The following MECOM variants were observed in gnomAD, a reference collection of about 807,000 sequenced individuals.
MECOM encodes the protein MDS1 and EVI1 complex locus, also known as histone-lysine N-methyltransferase MECOM.
A neutral mutation model predicts 116.3 loss-of-function variants in MECOM; 13 were observed. The ratio of observed to expected loss-of-function variants is 0.11; its 90% confidence interval spans 0.07 to 0.18. MECOM has a LOEUF of 0.18. MECOM is among the 10% of genes least tolerant of loss of function. The probability of loss-of-function intolerance (pLI) is 1.00; values close to 1 mark genes in which losing one functional copy is unlikely to be tolerated. For missense variants in MECOM, 1,299 were observed against 1,509.0 expected (o/e 0.86, Z 2.31); for synonymous variants, 528 against 535.2 (o/e 0.99, Z 0.19).
At chr3:169,154,021 A>G (rs1741568054) in intron 2 of MECOM, among the ~76,000 whole-genome samples, 1 of 152,032 alleles carries the variant, frequency 6.6e-6, no homozygotes, top group African/African-American at 2.4e-5. Flanking sequence ...CCTAATCCTT[A>G]CCCTGACCTT....
intron 1 of MECOM, among the ~76,000 whole-genome samples, chr3:169,644,977 G>A (rs1381781413): frequency 6.6e-6 from 1 of 152,076 alleles, no homozygotes. Flanking sequence ...TTCGGCATAA[G>A]TACACACAAA....
intron 1 of MECOM, among the ~76,000 whole-genome samples, chr3:169,644,108 T>G (rs1252469807): frequency 6.6e-6 from 1 of 152,214 alleles, no homozygotes; most frequent in African/African-American, 2.4e-5. Context: ...AAACTCCTCT[T>G]GCACCATAAC....
At chr3:169,206,292 C>T (rs573478051) in intron 2 of MECOM, among the ~76,000 whole-genome samples, 109 of 152,218 alleles carry the variant, frequency 7.2e-4, no homozygotes, top group Non-Finnish European at 1.3e-3. Flanking sequence ...GTTGAAAGAT[C>T]TAATAATCAC....
At chr3:169,638,678 T>G (rs1773105679) in intron 1 of MECOM, among the ~76,000 whole-genome samples, 1 of 152,194 alleles carries the variant, frequency 6.6e-6, no homozygotes, top group South Asian at 2.1e-4. Context: ...AAGACCTGGC[T>G]TCCTGGTGTG....
intron 2 of MECOM, among the ~76,000 whole-genome samples, chr3:169,231,895 A>C (rs751003704): frequency 6.6e-6 from 1 of 152,142 alleles, no homozygotes; most frequent in Non-Finnish European, 1.5e-5. Flanking sequence ...CAGTTAAGAC[A>C]GTGTCCCAAA....
intron 1 of MECOM, among the ~76,000 whole-genome samples, chr3:169,552,336 C>A (rs1015233127): frequency 7.9e-5 from 12 of 151,782 alleles, no homozygotes; most frequent in African/African-American, 1.4e-4. Context: ...ATAACATCAT[C>A]AAAATTCTTA....
chr3:169,247,049 A>C (rs1213185593), intron 2 of MECOM, among the ~76,000 whole-genome samples: 1 of 152,152 alleles, frequency 6.6e-6, no homozygotes, highest in African/African-American at 2.4e-5. Flanking sequence ...CATATTAGTA[A>C]AATATATAAT....
chr3:169,363,033 C>G (rs1300312268), intron 2 of MECOM, among the ~76,000 whole-genome samples: 1 of 151,750 alleles, frequency 6.6e-6, no homozygotes, highest in Admixed American at 6.6e-5. Flanking sequence ...TTAAAATTTC[C>G]CCATTTCTTC....
At chr3:169,215,138 T>C (rs369565520) in intron 2 of MECOM, among the ~76,000 whole-genome samples, 7 of 151,108 alleles carry the variant, frequency 4.6e-5, no homozygotes, top group African/African-American at 1.4e-4. Flanking sequence ...ATTCCTCAGA[T>C]TAAACTCCTC....
chr3:169,435,794 C>T (rs1578094932), intron 1 of MECOM, among the ~76,000 whole-genome samples: 1 of 152,198 alleles, frequency 6.6e-6, no homozygotes, highest in Non-Finnish European at 1.5e-5. Context: ...ACATAAATTG[C>T]ATTCAGTCTA....
intron 1 of MECOM, among the ~76,000 whole-genome samples, chr3:169,602,677 G>A (rs17838864): frequency 0.011 from 1,721 of 152,214 alleles, 40 homozygotes; most frequent in African/African-American, 0.039. Flanking sequence ...GACTTCTGAC[G>A]TATACCAAAA....
chr3:169,585,880 C>T (rs1387720563), intron 1 of MECOM, among the ~76,000 whole-genome samples: 1 of 152,040 alleles, frequency 6.6e-6, no homozygotes, highest in Non-Finnish European at 1.5e-5. Flanking sequence ...TTTAAATCTC[C>T]CAAACAGAAA....
intron 2 of MECOM, among the ~76,000 whole-genome samples, chr3:169,272,520 A>G (rs190104298): frequency 1.3e-5 from 2 of 152,302 alleles, no homozygotes; most frequent in East Asian, 1.9e-4. Context: ...AAAATTATAT[A>G]TTATTAAAGA....
intron 2 of MECOM, among the ~76,000 whole-genome samples, chr3:169,215,588 T>C (rs568412459): frequency 1.3e-5 from 2 of 152,318 alleles, no homozygotes; most frequent in East Asian, 3.8e-4. Flanking sequence ...CTTTTTACTC[T>C]TATTATTAAA....
chr3:169,384,213 A>T (rs948504551), intron 1 of MECOM, among the ~76,000 whole-genome samples: 2 of 152,190 alleles, frequency 1.3e-5, no homozygotes, highest in Non-Finnish European at 2.9e-5. Flanking sequence ...CTAACATATA[A>T]TTTTATTAAA....
chr3:169,359,569 C>A (rs1204143441), intron 2 of MECOM, among the ~76,000 whole-genome samples: 4 of 151,706 alleles, frequency 2.6e-5, no homozygotes, highest in Non-Finnish European at 5.9e-5. Flanking sequence ...TCATCAAGTG[C>A]TTTCTGTATT....
intron 1 of MECOM, among the ~76,000 whole-genome samples, chr3:169,519,642 G>C (rs4577512): frequency 0.49 from 74,124 of 152,110 alleles, 18,754 homozygotes; most frequent in African/African-American, 0.64. Context: ...AAGGCAGAAC[G>C]AGCATGGCCT....
intron 2 of MECOM, among the ~76,000 whole-genome samples, chr3:169,204,122 C>G (rs563519059): frequency 3.3e-5 from 5 of 152,188 alleles, no homozygotes; most frequent in African/African-American, 4.8e-5. Context: ...GGTGGAAACC[C>G]TAAACCACAA....
At chr3:169,123,755 G>A (rs1184585070) in intron 5 of MECOM, among the ~76,000 whole-genome samples, 1 of 151,994 alleles carries the variant, frequency 6.6e-6, no homozygotes, top group African/African-American at 2.4e-5. Context: ...GCAATTTATA[G>A]ATAATATCCA....
Sources: gnomAD v4.1 joint callset for allele counts (sites outside exome capture counted in the v4.1 genomes callset) on GRCh38, gnomAD v4.1.1 for gene constraint, MANE v1.5 for transcripts, NCBI Gene and HGNC (gene_info 2026-07-23, HGNC 2026-07-21) for gene names.